NR3C2: variants seen among roughly 807,000 people sequenced by gnomAD.
NR3C2 encodes mineralocorticoid receptor.
NR3C2 carries 15 observed loss-of-function variants against 86.4 expected under a neutral mutation model. The ratio of observed to expected loss-of-function variants is 0.17; its 90% CI spans 0.12 to 0.27. The LOEUF (loss-of-function observed/expected upper bound fraction) is 0.27, where lower values mean the gene tolerates loss of function less well. NR3C2 is among the 10% of genes least tolerant of loss of function. The pLI, the probability that NR3C2 is intolerant of heterozygous loss-of-function variation, is 1.00. For synonymous variants in NR3C2, 458 were observed against 450.5 expected (o/e 1.02, Z -0.21); for missense variants, 960 against 1,195.6 (o/e 0.80, Z 2.91).
Position 148,124,732 on chromosome 4 carries a change from T to G in NR3C2, c.2511-4444A>C, listed in dbSNP as rs568825364. 1.1e-4 allele frequency among the ~76,000 whole-genome samples: 16 copies of G among 152,224 alleles called. No homozygotes were observed. The South Asian group carries it at 1.9e-3, about 18-fold the overall frequency. Reference sequence around the variant, plus strand: ...ACTCCATTTAGCAGTATGTTGGACCTTCTCCTCATGTCTTCCACATTAGCC... The same window carrying G: ...ACTCCATTTAGCAGTATGTTGGACCGTCTCCTCATGTCTTCCACATTAGCC... On this transcript the variant is annotated intron_variant, in intron 6 of 8. Transcript: ENST00000358102.
chr4:148,441,662 C>T (rs1392343043), intron 1 of NR3C2, among the ~76,000 whole-genome samples: 1 of 152,192 alleles, frequency 6.6e-6, no homozygotes, highest in African/African-American at 2.4e-5. Context: ...GGAAGCGTAG[C>T]CTGTCTCAAG....
intron 2 of NR3C2, among the ~76,000 whole-genome samples, chr4:148,407,714 C>T (rs1748492156): frequency 6.6e-6 from 1 of 152,040 alleles, no homozygotes; most frequent in South Asian, 2.1e-4. Flanking sequence ...ATACATCCTT[C>T]TAAAGAAATT....
chr4:148,295,569 G>A (rs1326290462), intron 2 of NR3C2, among the ~76,000 whole-genome samples: 1 of 148,760 alleles, frequency 6.7e-6, no homozygotes, highest in Admixed American at 6.8e-5. Flanking sequence ...CAAAACTCCT[G>A]CCTAGCCTGT....
chr4:148,100,358 A>G (rs1731481580), intron 8 of NR3C2, among the ~76,000 whole-genome samples: 2 of 152,222 alleles, frequency 1.3e-5, no homozygotes, highest in Non-Finnish European at 2.9e-5. Flanking sequence ...AGAATATATA[A>G]AGAACTCCTA....
At chr4:148,442,917 C>G (rs999804560), upstream of NR3C2, 1 of 985,298 alleles carries the variant, frequency 1.0e-6, no homozygotes, top group Non-Finnish European at 1.2e-6. Context: ...GGTTTTTCCG[C>G]GAGCAAAGTG....
At chr4:148,155,837 A>C (rs1173415652) in intron 4 of NR3C2, among the ~76,000 whole-genome samples, 3 of 152,166 alleles carry the variant, frequency 2.0e-5, no homozygotes, top group Non-Finnish European at 2.9e-5. Flanking sequence ...AAGCTGGAGG[A>C]ATCACACTAC....
At chr4:148,396,310 A>AAAACTTG (rs1422408810) in intron 2 of NR3C2, among the ~76,000 whole-genome samples, 1 of 152,218 alleles carries the variant, frequency 6.6e-6, no homozygotes, top group Non-Finnish European at 1.5e-5. Flanking sequence ...TACGAGTAAT[A>AAAACTTG]AAACTTGAAA....
chr4:148,090,097 G>A (rs192961762), intron 8 of NR3C2, among the ~76,000 whole-genome samples: 7 of 152,310 alleles, frequency 4.6e-5, no homozygotes, highest in Non-Finnish European at 8.8e-5. Flanking sequence ...GAGGGCCAGC[G>A]TCCTTTATCT....
rs886059118 is a variant in NR3C2, at chr4:148,078,990, A to G, written c.*2354T>C. 3.3e-5 allele frequency: 5 copies of G among 152,684 alleles called. No homozygotes were observed. The highest frequency in any genetic ancestry group is 4.4e-5 in the Non-Finnish European group (3 of 68,038). 9.5% of individuals were successfully genotyped at this position (152,684 alleles called of 1,614,324 possible). On this transcript the variant is annotated 3_prime_UTR_variant, in exon 9 of 9. Coordinates refer to ENST00000358102, the MANE Select transcript of NR3C2 (RefSeq NM_000901.5). ...ATTTGGACTGGGACAGGCATTCAAC[A>G]GTGAATTTAGAATATGGCTTTGCTG... is the stretch of plus-strand genomic sequence containing the variant.
At chr4:148,246,783 C>T in intron 3 of NR3C2, among the ~76,000 whole-genome samples, 1 of 152,136 alleles carries the variant, frequency 6.6e-6, no homozygotes, top group Non-Finnish European at 1.5e-5. Flanking sequence ...AAACTCCTGG[C>T]CTCAAGTGAT....
intron 7 of NR3C2, among the ~76,000 whole-genome samples, chr4:148,117,930 G>T (rs1304711631): frequency 6.6e-6 from 1 of 152,180 alleles, no homozygotes; most frequent in African/African-American, 2.4e-5. Context: ...TCTCTCCTCT[G>T]AAGTCCATAC....
chr4:148,442,888 T>G, upstream of NR3C2: 1 of 985,350 alleles, frequency 1.0e-6, no homozygotes, highest in Non-Finnish European at 1.2e-6. Context: ...GTGAAAAGTG[T>G]GCTGACGCGG....
rs58978966 is a variant in NR3C2 at position 148,363,506 on chromosome 4, C to CTTTTTTTTTTT, written c.1757+71587_1757+71597dup. Among the ~76,000 whole-genome samples, 85 of 110,740 alleles carry CTTTTTTTTTTT rather than the reference C, an allele frequency of 7.7e-4. 8 individuals are homozygous for CTTTTTTTTTTT. The highest frequency in any genetic ancestry group is 2.7e-3 in the African/African-American group (78 of 28,842). The allele number at this position is 110,740 out of a possible 152,430, so 72.6% of individuals were successfully genotyped here. A position where few individuals can be genotyped will look rare whatever the true frequency, so the allele number is the denominator to read the frequency against. On this transcript the variant is annotated intron_variant, in intron 2 of 8. Transcript: ENST00000358102. ...TAAAGTCTAGACTTCTCATAGATCT[C>CTTTTTTTTTTT]TTTTTTTTTTTTTTTGAGACGGAGT...
intron 6 of NR3C2, among the ~76,000 whole-genome samples, chr4:148,121,247 T>A (rs1428524984): frequency 6.6e-6 from 1 of 152,132 alleles, no homozygotes; most frequent in Non-Finnish European, 1.5e-5. Context: ...AGGAAAGCAA[T>A]GTGGGGATCT....
intron 4 of NR3C2, among the ~76,000 whole-genome samples, chr4:148,168,835 A>G (rs1029149993): frequency 2.6e-5 from 4 of 152,230 alleles, no homozygotes; most frequent in African/African-American, 9.6e-5. Context: ...TCCTTAGCAG[A>G]TAGCCAGTGA....
chr4:148,362,723 T>G (rs1281399327), intron 2 of NR3C2, among the ~76,000 whole-genome samples: 2 of 152,034 alleles, frequency 1.3e-5, no homozygotes, highest in African/African-American at 2.4e-5. Context: ...ACCAAAAAAT[T>G]CCCCATGTAA....
At chr4:148,130,819 G>GTTTTTTTTTTTTTTTTTT (rs376180676) in intron 6 of NR3C2, among the ~76,000 whole-genome samples, 3 of 108,906 alleles carry the variant, frequency 2.8e-5, no homozygotes, top group African/African-American at 1.1e-4. Context: ...GTTTTGTTTT[G>GTTTTTTTTTTTTTTTTTT]TTTTTTTTTT....
chr4:148,095,388 T>C (rs1220273079), intron 8 of NR3C2, among the ~76,000 whole-genome samples: 1 of 152,170 alleles, frequency 6.6e-6, no homozygotes, highest in African/African-American at 2.4e-5. Flanking sequence ...TTTGTTTCTA[T>C]ATCTAAGGAA....
intron 5 of NR3C2, among the ~76,000 whole-genome samples, chr4:148,154,280 T>A (rs1734241927): frequency 6.6e-6 from 1 of 152,202 alleles, no homozygotes. Context: ...TGCCTTGGCC[T>A]CCCAAAGTGC....
Sources: gnomAD v4.1 joint callset for allele counts (sites outside exome capture counted in the v4.1 genomes callset) on GRCh38, gnomAD v4.1.1 for gene constraint, MANE v1.5 for transcripts, NCBI Gene and HGNC (gene_info 2026-07-23, HGNC 2026-07-21) for gene names.